Variants in EVL observed in about 807,000 individuals in gnomAD.
The protein encoded by EVL is ena/VASP-like protein.
A neutral mutation model predicts 59.6 loss-of-function variants in EVL; 21 were observed. That is an observed-to-expected ratio of 0.35 (90% CI 0.25 to 0.51). The LOEUF (loss-of-function observed/expected upper bound fraction) is 0.51. Ranked by LOEUF, EVL falls within the 20% of genes least tolerant of loss-of-function variation. The probability of loss-of-function intolerance (pLI) is 0.97; values close to 1 mark genes in which losing one functional copy is unlikely to be tolerated. For synonymous variants in EVL, 198 were observed against 203.5 expected (o/e 0.97, Z 0.23); for missense variants, 462 against 546.6 (o/e 0.85, Z 1.54).
chr14:100,048,650 T>G (rs2061594860), intron 1 of EVL, among the ~76,000 whole-genome samples: 1 of 152,348 alleles, frequency 6.6e-6, no homozygotes, highest in African/African-American at 2.4e-5. Flanking sequence ...CTTACGTTCG[T>G]GACCATTGCC....
intron 1 of EVL, among the ~76,000 whole-genome samples, chr14:100,027,663 G>A (rs972252844): frequency 5.3e-5 from 8 of 151,634 alleles, no homozygotes; most frequent in Non-Finnish European, 1.2e-4. Context: ...GTTGTTGGAC[G>A]CTTAGGTTGA....
chr14:100,085,071 A>G (rs1464218752), intron 2 of EVL: 2 of 504,454 alleles, frequency 4.0e-6, no homozygotes, highest in African/African-American at 1.9e-5. Flanking sequence ...CCTATGTCAT[A>G]TGGAGACAGT....
At chr14:100,054,652 G>C (rs1032971159) in intron 1 of EVL, among the ~76,000 whole-genome samples, 1 of 152,156 alleles carries the variant, frequency 6.6e-6, no homozygotes, top group South Asian at 2.1e-4. Context: ...CATTTATCGT[G>C]CCTGCCTTGC....
intron 1 of EVL, among the ~76,000 whole-genome samples, chr14:100,050,331 T>A (rs1423703416): frequency 1.3e-5 from 2 of 148,628 alleles, no homozygotes; most frequent in African/African-American, 2.5e-5. Context: ...TTTAAAAATT[T>A]GTGTATTTCA....
intron 1 of EVL, among the ~76,000 whole-genome samples, chr14:99,983,279 C>T (rs2060819659): frequency 6.6e-6 from 1 of 152,128 alleles, no homozygotes; most frequent in Admixed American, 6.5e-5. Flanking sequence ...AAACAGGAGA[C>T]ATAATATTTG....
upstream of EVL, among the ~76,000 whole-genome samples, chr14:100,062,477 GA>G (rs1448659099): frequency 2.0e-5 from 3 of 151,612 alleles, no homozygotes; most frequent in Non-Finnish European, 4.4e-5. Flanking sequence ...AATTCAAATG[GA>G]ATTCTGAAAA....
chr14:100,034,282 G>A (rs1172522055), intron 1 of EVL, among the ~76,000 whole-genome samples: 1 of 150,998 alleles, frequency 6.6e-6, no homozygotes, highest in Non-Finnish European at 1.5e-5. Flanking sequence ...AATCACCCCT[G>A]CCCCGAAAAA....
intron 3 of EVL, among the ~76,000 whole-genome samples, chr14:100,122,864 G>T (rs1887788142): frequency 6.6e-6 from 1 of 152,212 alleles, no homozygotes; most frequent in Non-Finnish European, 1.5e-5. Context: ...CTATGCCGGG[G>T]TCCCTCCTTC....
chr14:100,033,848 C>T (rs941812378), intron 1 of EVL, among the ~76,000 whole-genome samples: 1 of 152,156 alleles, frequency 6.6e-6, no homozygotes, highest in African/African-American at 2.4e-5. Flanking sequence ...GACTCTGGAA[C>T]CTGTGTTTTG....
Position 100,031,809 on chromosome 14 carries a change from G to T in EVL, c.6-52878G>T, listed in dbSNP as rs561399397. On this transcript the variant is annotated intron_variant, in intron 1 of 13. Coordinates refer to the EVL transcript ENST00000402714. Reference sequence around the variant, plus strand: ...ACGAGTGCTAGAAGAGAGAAAAGACGATTTACTTTCACTTGTTGTGTGGCC... The same window carrying T: ...ACGAGTGCTAGAAGAGAGAAAAGACTATTTACTTTCACTTGTTGTGTGGCC... Among the ~76,000 whole-genome samples the T allele has an allele frequency of 2.6e-4, 40 of 152,310 alleles. No homozygotes were observed. The South Asian group carries it at 7.9e-3, about 30-fold the overall frequency.
At chr14:100,028,824 C>A (rs1441952375) in intron 1 of EVL, among the ~76,000 whole-genome samples, 3 of 152,096 alleles carry the variant, frequency 2.0e-5, no homozygotes, top group African/African-American at 7.2e-5. Flanking sequence ...AAAATCTATT[C>A]TTCATTATTA....
At position 100,141,214 on chromosome 14, in the gene EVL, C is replaced by G; in HGVS notation, c.1129C>G (p.Leu377Val). Reference sequence around the variant, plus strand: ...TGCTGGGAGCGTGAATGACATGGCCCTGGATGCCTTCGACTTGGACCGGAT... The same window carrying G: ...TGCTGGGAGCGTGAATGACATGGCCGTGGATGCCTTCGACTTGGACCGGAT... ...KPAGSVNDMA[L>V]DAFDLDRMKQ... is the part of the protein sequence containing the mutation. The change falls in exon 12 of 14, where the codon CTG becomes GTG. Residue 377 changes from leucine to valine, a missense_variant. Leu to Val is a conservative substitution (Grantham distance 32, BLOSUM62 1). Coordinates refer to ENST00000392920, the MANE Select transcript of EVL (RefSeq NM_016337.3). 6.2e-7 allele frequency: 1 copy of G among 1,613,918 alleles called. No homozygotes were observed. Among genetic ancestry groups the G allele is most frequent in the Non-Finnish European group, 8.5e-7 (1 of 1,179,990 alleles).
intron 2 of EVL, among the ~76,000 whole-genome samples, chr14:100,091,933 G>T (rs1020243241): frequency 6.6e-6 from 1 of 152,186 alleles, no homozygotes; most frequent in Non-Finnish European, 1.5e-5. Context: ...CTTGCTTGTT[G>T]TATGAGAGTA....
intron 1 of EVL, among the ~76,000 whole-genome samples, chr14:99,989,076 A>G (rs1188206769): frequency 6.6e-6 from 1 of 152,204 alleles, no homozygotes; most frequent in Non-Finnish European, 1.5e-5. Context: ...AATTTTATGA[A>G]AAAGAAAAAA....
chr14:100,010,563 T>G (rs2061010488), intron 1 of EVL, among the ~76,000 whole-genome samples: 1 of 152,110 alleles, frequency 6.6e-6, no homozygotes, highest in South Asian at 2.1e-4. Context: ...GCCCAGCTAA[T>G]TCTTTGTATT....
chr14:100,072,299 A>G (rs2062064116), intron 1 of EVL, among the ~76,000 whole-genome samples: 1 of 152,212 alleles, frequency 6.6e-6, no homozygotes. Context: ...ATCTCCGCTC[A>G]GTGCATCCTA....
intron 1 of EVL, among the ~76,000 whole-genome samples, chr14:100,045,909 C>A (rs1474154152): frequency 6.6e-6 from 1 of 152,124 alleles, no homozygotes; most frequent in African/African-American, 2.4e-5. Context: ...TTCCTCCAGC[C>A]GTGTCCTGCA....
intron 9 of EVL, among the ~76,000 whole-genome samples, chr14:100,136,169 G>C (rs1461255173): frequency 6.6e-6 from 1 of 152,258 alleles, no homozygotes; most frequent in African/African-American, 2.4e-5. Context: ...CTAGAGCAGA[G>C]CCACTGTGAT....
At chr14:100,000,981 G>A (rs903371450) in intron 1 of EVL, among the ~76,000 whole-genome samples, 2 of 152,038 alleles carry the variant, frequency 1.3e-5, no homozygotes, top group Non-Finnish European at 2.9e-5. Flanking sequence ...TATATTAATA[G>A]AATAATATTA....
Sources: allele counts gnomAD v4.1 joint callset (sites outside exome capture counted in the v4.1 genomes callset), GRCh38; gene constraint gnomAD v4.1.1; transcripts MANE v1.5; gene names NCBI Gene and HGNC (gene_info 2026-07-23, HGNC 2026-07-21).